MSRA: variants seen among roughly 807,000 people sequenced by gnomAD.
MSRA encodes the protein methionine sulfoxide reductase A.
Under a neutral mutation model 31.3 loss-of-function variants are expected in MSRA, and 54 were observed. The ratio of observed to expected loss-of-function variants is 1.73; its 90% CI spans 1.39 to 2.17. MSRA has a LOEUF of 2.17. Ranked by LOEUF, MSRA falls within the 30% of genes most tolerant of loss-of-function variation. The probability of loss-of-function intolerance (pLI) is 0.00; values close to 1 mark genes in which losing one functional copy is unlikely to be tolerated. For synonymous variants in MSRA, 169 were observed against 116.5 expected (o/e 1.45, Z -2.90); for missense variants, 507 against 300.9 (o/e 1.69, Z -5.07).
chr8:10,099,799 T>C (rs1799415136), intron 1 of MSRA, among the ~76,000 whole-genome samples: 1 of 152,128 alleles, frequency 6.6e-6, no homozygotes, highest in South Asian at 2.1e-4. Flanking sequence ...ACTTGCCTGG[T>C]GTGGGGTGGC....
At chr8:10,063,587 G>C (rs1188577359) in intron 1 of MSRA, among the ~76,000 whole-genome samples, 1 of 152,172 alleles carries the variant, frequency 6.6e-6, no homozygotes, top group African/African-American at 2.4e-5. Flanking sequence ...TAGGAGGTGG[G>C]GGCTTTGGGA....
Position 10,149,786 on chromosome 8 carries a change from T to C in MSRA, c.143-58047T>C, listed in dbSNP as rs549678539. Reference sequence around the variant, plus strand: ...GTTGGCAGAAACCACAAAGGTGGTATGGAAATGACTAATATTTGAGAAGCA... The same window carrying C: ...GTTGGCAGAAACCACAAAGGTGGTACGGAAATGACTAATATTTGAGAAGCA... On this transcript the variant is annotated intron_variant, in intron 1 of 5. Coordinates refer to ENST00000317173, the MANE Select transcript of MSRA (RefSeq NM_012331.5). Among the ~76,000 whole-genome samples the C allele has an allele frequency of 1.0e-4, 3 of 29,282 alleles. No individual in the cohort carries two copies. In the Admixed American group the frequency reaches 1.3e-3, roughly 13 times the overall value. The allele number at this position is 29,282 out of a possible 152,430, so 19.2% of individuals were successfully genotyped here.
At chr8:10,164,980 A>G (rs1313144345) in intron 1 of MSRA, among the ~76,000 whole-genome samples, 4 of 152,182 alleles carry the variant, frequency 2.6e-5, no homozygotes, top group Admixed American at 2.6e-4. Context: ...GTGAGCCACG[A>G]TCATGCCACT....
At chr8:10,110,041 GC>G (rs1200035315) in intron 1 of MSRA, among the ~76,000 whole-genome samples, 2 of 152,082 alleles carry the variant, frequency 1.3e-5, no homozygotes, top group Admixed American at 6.5e-5. Context: ...TCCGTCCTTG[GC>G]TCTCGGATGG....
At chr8:10,318,126 G>T (rs1001830431) in intron 4 of MSRA, among the ~76,000 whole-genome samples, 7 of 152,200 alleles carry the variant, frequency 4.6e-5, no homozygotes, top group African/African-American at 1.7e-4. Flanking sequence ...TTATTTTGCT[G>T]TAACTTCTCA....
chr8:10,378,643 C>A (rs1051074709), intron 5 of MSRA, among the ~76,000 whole-genome samples: 1 of 152,220 alleles, frequency 6.6e-6, no homozygotes, highest in African/African-American at 2.4e-5. Context: ...CGCGTCCCTT[C>A]TTCACAGAGG....
At chr8:10,073,091 T>A (rs1414953818) in intron 1 of MSRA, among the ~76,000 whole-genome samples, 3 of 152,132 alleles carry the variant, frequency 2.0e-5, no homozygotes, top group Non-Finnish European at 2.9e-5. Flanking sequence ...TTTCAGTGGC[T>A]AGAACTTCCA....
intron 5 of MSRA, among the ~76,000 whole-genome samples, chr8:10,352,403 G>C (rs1412040116): frequency 6.6e-6 from 1 of 152,142 alleles, no homozygotes. Flanking sequence ...TGTGCTTTGG[G>C]ACTACAAGTT....
At chr8:10,096,043 C>T (rs917461647) in intron 1 of MSRA, 41 of 1,437,580 alleles carry the variant, frequency 2.9e-5, no homozygotes, top group African/African-American at 8.6e-5. Flanking sequence ...GTGTTCAGAA[C>T]GTAAGTTTTT....
rs554738813 is a variant in MSRA at position 10,285,312 on chromosome 8, C to T, written c.332-16222C>T. Among the ~76,000 whole-genome samples, 289 of 152,274 alleles carry T rather than the reference C, an allele frequency of 1.9e-3. 1 individual carries two copies. The highest frequency in any genetic ancestry group is 6.2e-3 in the African/African-American group (259 of 41,552). ...TTTTTAACAACTTTCTTTTATTAAG[C>T]TTTCTAAAGCATTTCCCTTATTTTT... On this transcript the variant is annotated intron_variant, in intron 3 of 5. Coordinates refer to ENST00000317173, the MANE Select transcript of MSRA (RefSeq NM_012331.5).
intron 3 of MSRA, among the ~76,000 whole-genome samples, chr8:10,276,288 C>T (rs1053321673): frequency 1.3e-5 from 2 of 152,202 alleles, no homozygotes; most frequent in Admixed American, 6.5e-5. Context: ...CGCCACCCAG[C>T]GAGAGTTGGT....
At chr8:10,184,351 A>G (rs1016811808) in intron 1 of MSRA, among the ~76,000 whole-genome samples, 1 of 151,616 alleles carries the variant, frequency 6.6e-6, no homozygotes, top group Non-Finnish European at 1.5e-5. Context: ...ACACTAATAC[A>G]TTCTAAACCT....
chr8:10,081,472 T>C (rs542714024), intron 1 of MSRA, among the ~76,000 whole-genome samples: 1 of 152,320 alleles, frequency 6.6e-6, no homozygotes, highest in East Asian at 1.9e-4. Flanking sequence ...GCTACCTCTT[T>C]TTCACACTGA....
intron 2 of MSRA, among the ~76,000 whole-genome samples, chr8:10,214,246 G>A (rs765713938): frequency 7.2e-5 from 11 of 152,112 alleles, no homozygotes; most frequent in African/African-American, 2.4e-4. Flanking sequence ...GACAGGTCCC[G>A]GAGCAGGGGC....
chr8:10,418,339 G>C (rs3812494), intron 5 of MSRA, among the ~76,000 whole-genome samples: 6,700 of 152,056 alleles, frequency 0.044, 380 homozygotes, highest in African/African-American at 0.13. Flanking sequence ...TTGCCACAAG[G>C]GCCTTCAAAC....
chr8:10,304,343 C>T (rs981624131), intron 4 of MSRA, among the ~76,000 whole-genome samples: 1 of 152,174 alleles, frequency 6.6e-6, no homozygotes, highest in African/African-American at 2.4e-5. Context: ...TAATTAATTC[C>T]AATATGCTGA....
chr8:10,418,733 T>C (rs138702432), intron 5 of MSRA, among the ~76,000 whole-genome samples: 144 of 131,178 alleles, frequency 1.1e-3, no homozygotes, highest in African/African-American at 3.9e-3. Flanking sequence ...GTGATAGTGG[T>C]ACAACAAAGT....
rs1407969398 is a variant in MSRA at position 10,280,452 on chromosome 8, A to G, written c.332-21082A>G. Among the ~76,000 whole-genome samples the G allele has an allele frequency of 2.0e-5, 3 of 152,288 alleles. No homozygotes were observed. The East Asian group carries it at 5.8e-4, about 29-fold the overall frequency. On this transcript the variant is annotated intron_variant, in intron 3 of 5. Transcript: ENST00000317173. ...TATAATTCATTTTAAAGATTTTAAC[A>G]TTGTAATTGTGATTTTTCCTGTTTG... is the stretch of plus-strand genomic sequence containing the variant.
At chr8:10,088,737 G>T (rs534781764) in intron 1 of MSRA, among the ~76,000 whole-genome samples, 1 of 148,548 alleles carries the variant, frequency 6.7e-6, no homozygotes, top group Admixed American at 6.7e-5. Flanking sequence ...CTTCATCTCA[G>T]AAAAAAAAAG....
Sources: allele counts gnomAD v4.1 joint callset (sites outside exome capture counted in the v4.1 genomes callset), GRCh38; gene constraint gnomAD v4.1.1; transcripts MANE v1.5; gene names NCBI Gene and HGNC (gene_info 2026-07-23, HGNC 2026-07-21).